Variants in ZBBX observed in about 807,000 individuals in gnomAD.
ZBBX encodes the protein zinc finger B-box domain containing.
A neutral mutation model predicts 108.5 loss-of-function variants in ZBBX; 101 were observed. The observed-to-expected ratio is 0.93, with a 90% CI of 0.79 to 1.10. The LOEUF (loss-of-function observed/expected upper bound fraction) is 1.10. Ranked by LOEUF, ZBBX falls within the 50% of genes least tolerant of loss-of-function variation. The probability of loss-of-function intolerance (pLI) is 0.00; values close to 1 mark genes in which losing one functional copy is unlikely to be tolerated. For missense variants in ZBBX, 1,009 were observed against 941.4 expected, an observed-to-expected ratio of 1.07 and a Z score of -0.94; for synonymous variants, 356 against 323.4, an observed-to-expected ratio of 1.10 and a Z score of -1.08.
chr3:167,240,927 T>C lies in ZBBX; in HGVS notation c.2394-8A>G. 6.2e-7 allele frequency: 1 copy of C among 1,612,276 alleles called. No homozygotes were observed. The highest frequency in any genetic ancestry group is 8.5e-7 in the Non-Finnish European group (1 of 1,179,018). On this transcript the variant is annotated splice_region_variant and splice_polypyrimidine_tract_variant and intron_variant, in intron 21 of 21. Transcript: ENST00000675490. ...GTATCTCTTCCAGAACAGCTGAAAA[T>C]ACATAACAAGATCAATACACAATAT...
At chr3:167,347,480 A>G (rs1443324796) in intron 9 of ZBBX, among the ~76,000 whole-genome samples, 1 of 152,068 alleles carries the variant, frequency 6.6e-6, no homozygotes, top group East Asian at 1.9e-4. Flanking sequence ...TAAGCCAGAC[A>G]CAGAAAGAAA....
At chr3:167,204,738 C>G in the ZBBX span, among the ~76,000 whole-genome samples, 44 of 151,776 alleles carry the variant, frequency 2.9e-4, 1 homozygote, top group African/African-American at 1.0e-3. Context: ...ATGATTTATA[C>G]TCATTTGGGT....
chr3:167,323,943 A>G (rs534251191), intron 11 of ZBBX, among the ~76,000 whole-genome samples: 1 of 152,194 alleles, frequency 6.6e-6, no homozygotes, highest in South Asian at 2.1e-4. Context: ...AGAATACTAA[A>G]ACAAAACCAA....
intron 20 of ZBBX, 33 bp downstream of exon 20, chr3:167,282,205 C>A: frequency 6.3e-7 from 1 of 1,575,736 alleles, no homozygotes; most frequent in East Asian, 2.2e-5. Flanking sequence ...AGTTAATTAG[C>A]ATTATCTAAA....
rs990323567 is a variant in ZBBX at position 167,295,482 on chromosome 3, T to C, written c.1879+2823A>G. 5.5e-4 allele frequency among the ~76,000 whole-genome samples: 83 copies of C among 150,328 alleles called. 1 individual carries two copies. The highest frequency in any genetic ancestry group is 1.9e-3 in the African/African-American group (78 of 40,814). On this transcript the variant is annotated intron_variant, in intron 18 of 21. Coordinates refer to ENST00000675490, the MANE Select transcript of ZBBX (RefSeq NM_001199201.2). ...ACATGTTCCCACTCATAAGTGGGAG[T>C]TGAACAATGAGAACACATGGACACA...
chr3:167,276,018 G>C (rs541083188), intron 20 of ZBBX, among the ~76,000 whole-genome samples: 508 of 150,920 alleles, frequency 3.4e-3, no homozygotes, highest in African/African-American at 8.1e-3. Flanking sequence ...AGCAGGGGCA[G>C]ACTGACACCT....
the ZBBX span, among the ~76,000 whole-genome samples, chr3:167,200,628 GATAA>G: frequency 0.016 from 2,428 of 152,212 alleles, 57 homozygotes; most frequent in African/African-American, 0.055. Flanking sequence ...AATTCCACTT[GATAA>G]ATATTTATTC....
chr3:167,338,293 A>C (rs1739922391), intron 9 of ZBBX, among the ~76,000 whole-genome samples: 1 of 152,322 alleles, frequency 6.6e-6, no homozygotes, highest in South Asian at 2.1e-4. Flanking sequence ...CACTCTGACA[A>C]TGTATCATTA....
chr3:167,360,373 ACTG>A (rs1744311515), intron 7 of ZBBX, among the ~76,000 whole-genome samples: 1 of 151,500 alleles, frequency 6.6e-6, no homozygotes, highest in African/African-American at 2.4e-5. Context: ...TATAATTTAC[ACTG>A]CTAAATTATC....
intron 1 of ZBBX, among the ~76,000 whole-genome samples, chr3:167,405,428 T>G (rs6789545): frequency 6.6e-6 from 1 of 151,862 alleles, no homozygotes; most frequent in South Asian, 2.1e-4. Flanking sequence ...CAAAGAGAGA[T>G]AGGAATTTAA....
intron 20 of ZBBX, among the ~76,000 whole-genome samples, chr3:167,244,102 T>G (rs971169047): frequency 1.3e-5 from 2 of 152,114 alleles, no homozygotes; most frequent in Non-Finnish European, 1.5e-5. Context: ...CACTTAGAGA[T>G]CAGGGAATTA....
chr3:167,386,535 C>T (rs375977557), intron 1 of ZBBX, among the ~76,000 whole-genome samples: 4 of 151,980 alleles, frequency 2.6e-5, no homozygotes, highest in African/African-American at 9.7e-5. Flanking sequence ...GTGAGTTGTT[C>T]TAGCATGCTT....
chr3:167,259,406 T>C (rs547603165), intron 20 of ZBBX, among the ~76,000 whole-genome samples: 19 of 152,308 alleles, frequency 1.2e-4, no homozygotes, highest in African/African-American at 3.6e-4. Flanking sequence ...ATTTTATTTA[T>C]CTTTTCGAAG....
At chr3:167,180,337 T>C in the ZBBX span, among the ~76,000 whole-genome samples, 3 of 152,206 alleles carry the variant, frequency 2.0e-5, no homozygotes, top group Non-Finnish European at 4.4e-5. Flanking sequence ...TCGTATCCAA[T>C]TGATGTCCCA....
At chr3:167,329,085 T>C (rs951948206) in intron 10 of ZBBX, among the ~76,000 whole-genome samples, 3 of 152,224 alleles carry the variant, frequency 2.0e-5, no homozygotes, top group Non-Finnish European at 1.5e-5. Flanking sequence ...ATGCATGTAA[T>C]ACAATGCATG....
chr3:167,209,728 A>G, the ZBBX span, among the ~76,000 whole-genome samples: 3 of 152,180 alleles, frequency 2.0e-5, no homozygotes, highest in Admixed American at 6.5e-5. Flanking sequence ...ACATCAACAA[A>G]CAAACTAAAT....
chr3:167,372,983 C>A, intron 3 of ZBBX, 33 bp from the exon 4 acceptor site: 1 of 1,060,080 alleles, frequency 9.4e-7, no homozygotes, highest in South Asian at 1.7e-5. Context: ...AGAATTATGG[C>A]AGAGGTGAAG....
At chr3:167,300,038 G>A (rs1271631867) in intron 17 of ZBBX, among the ~76,000 whole-genome samples, 1 of 152,138 alleles carries the variant, frequency 6.6e-6, no homozygotes, top group African/African-American at 2.4e-5. Context: ...CCTATAATAA[G>A]ATGCTCAGGG....
At chr3:167,297,009 A>G (rs1325457682) in intron 18 of ZBBX, among the ~76,000 whole-genome samples, 2 of 152,076 alleles carry the variant, frequency 1.3e-5, no homozygotes, top group African/African-American at 4.8e-5. Context: ...ACAGTGTGAT[A>G]CCAGTAAAAA....
Sources: allele counts gnomAD v4.1 joint callset (sites outside exome capture counted in the v4.1 genomes callset), GRCh38; gene constraint gnomAD v4.1.1; transcripts MANE v1.5; gene names NCBI Gene and HGNC (gene_info 2026-07-23, HGNC 2026-07-21).